Variants in SLC24A2 observed in about 807,000 individuals in gnomAD.
SLC24A2 encodes the protein solute carrier family 24 member 2, also known as sodium/potassium/calcium exchanger 2.
Under a neutral mutation model 62.0 loss-of-function variants are expected in SLC24A2, and 36 were observed. That is an observed-to-expected ratio of 0.58 (90% confidence interval 0.44 to 0.77). SLC24A2 has a LOEUF of 0.77. Among genes scored for constraint, SLC24A2 ranks in the 30% least tolerant of loss-of-function variants. The pLI is 0.00. For missense variants in SLC24A2, 846 were observed against 817.9 expected, an observed-to-expected ratio of 1.03 and a Z score of -0.42; for synonymous variants, 358 against 294.0, an observed-to-expected ratio of 1.22 and a Z score of -2.23.
the SLC24A2 span, among the ~76,000 whole-genome samples, chr9:20,107,837 T>G: frequency 1.6e-4 from 25 of 152,012 alleles, no homozygotes; most frequent in East Asian, 2.9e-3. Flanking sequence ...AAGCCAAAAT[T>G]GACAAATGGG....
At chr9:20,007,872 C>T in the SLC24A2 span, among the ~76,000 whole-genome samples, 68 of 120,556 alleles carry the variant, frequency 5.6e-4, no homozygotes, top group African/African-American at 2.1e-3. Flanking sequence ...ATTCTTCTTA[C>T]TCCTCTCTTT....
the SLC24A2 span, among the ~76,000 whole-genome samples, chr9:19,873,885 C>G: frequency 6.6e-6 from 1 of 152,074 alleles, no homozygotes; most frequent in African/African-American, 2.4e-5. Flanking sequence ...ATCAAAATCC[C>G]AGTTTCTAAA....
chr9:20,056,995 T>TA, the SLC24A2 span, among the ~76,000 whole-genome samples: 1 of 152,254 alleles, frequency 6.6e-6, no homozygotes, highest in Non-Finnish European at 1.5e-5. Flanking sequence ...TCTGTCTCCC[T>TA]AAAGCATTAA....
chr9:20,292,241 G>A, the SLC24A2 span, among the ~76,000 whole-genome samples: 1 of 152,122 alleles, frequency 6.6e-6, no homozygotes, highest in Admixed American at 6.5e-5. Flanking sequence ...TGATACAATG[G>A]GAATAACAGA....
At chr9:19,526,400 T>C (rs1833448982) in intron 9 of SLC24A2, among the ~76,000 whole-genome samples, 1 of 152,218 alleles carries the variant, frequency 6.6e-6, no homozygotes, top group African/African-American at 2.4e-5. Flanking sequence ...GGTAACTCTA[T>C]GTTTAATGTT....
intron 8 of SLC24A2, among the ~76,000 whole-genome samples, chr9:19,531,679 A>T (rs1204793251): frequency 2.6e-5 from 4 of 151,822 alleles, no homozygotes; most frequent in African/African-American, 7.3e-5. Flanking sequence ...TCTGGGACAT[A>T]TATTTAACAA....
the SLC24A2 span, among the ~76,000 whole-genome samples, chr9:20,303,501 A>G: frequency 1.3e-5 from 2 of 152,192 alleles, no homozygotes; most frequent in African/African-American, 4.8e-5. Flanking sequence ...GAAGTAATCT[A>G]GTTCCCACGT....
At chr9:19,733,352 G>A (rs866208613) in intron 2 of SLC24A2, among the ~76,000 whole-genome samples, 6 of 152,250 alleles carry the variant, frequency 3.9e-5, no homozygotes, top group Non-Finnish European at 7.4e-5. Flanking sequence ...CTTCAGCCCA[G>A]AATGCCTCAC....
At chr9:19,704,452 T>A (rs188258621) in intron 2 of SLC24A2, among the ~76,000 whole-genome samples, 23 of 152,316 alleles carry the variant, frequency 1.5e-4, no homozygotes, top group Admixed American at 1.4e-3. Flanking sequence ...CATATTAAAA[T>A]ACCAACAGTG....
chr9:19,735,416 A>T (rs1821477371), intron 2 of SLC24A2, among the ~76,000 whole-genome samples: 1 of 152,044 alleles, frequency 6.6e-6, no homozygotes, highest in African/African-American at 2.4e-5. Context: ...GTGGGACTGT[A>T]AACTAGTTCA....
chr9:19,950,323 T>C, the SLC24A2 span, among the ~76,000 whole-genome samples: 1 of 152,364 alleles, frequency 6.6e-6, no homozygotes, highest in East Asian at 1.9e-4. Flanking sequence ...ACAAAAAAAC[T>C]TCTATCTTGT....
chr9:19,612,491 G>T (rs373527493), intron 4 of SLC24A2, among the ~76,000 whole-genome samples: 1 of 152,020 alleles, frequency 6.6e-6, no homozygotes, highest in South Asian at 2.1e-4. Flanking sequence ...ATATTAGCTC[G>T]CATACTATTA....
the SLC24A2 span, among the ~76,000 whole-genome samples, chr9:20,061,942 G>T: frequency 6.6e-6 from 1 of 152,120 alleles, no homozygotes; most frequent in Non-Finnish European, 1.5e-5. Flanking sequence ...TCTGATAAAA[G>T]CCTTGTATCT....
At chr9:19,560,932 G>C (rs1169827637) in intron 7 of SLC24A2, among the ~76,000 whole-genome samples, 1 of 145,740 alleles carries the variant, frequency 6.9e-6, no homozygotes, top group South Asian at 2.2e-4. Flanking sequence ...GAGAGAGAGA[G>C]AGAGAGAGAG....
chr9:20,069,360 T>G, the SLC24A2 span, among the ~76,000 whole-genome samples: 1 of 152,332 alleles, frequency 6.6e-6, no homozygotes, highest in African/African-American at 2.4e-5. Flanking sequence ...TTCAGTAATC[T>G]TCCCGTGACA....
the SLC24A2 span, among the ~76,000 whole-genome samples, chr9:20,122,743 C>T: frequency 1.3e-5 from 2 of 152,116 alleles, no homozygotes; most frequent in Non-Finnish European, 2.9e-5. Context: ...TTTGACTTAT[C>T]CCCTCTTTTG....
chr9:20,240,071 C>G, the SLC24A2 span, among the ~76,000 whole-genome samples: 1 of 152,022 alleles, frequency 6.6e-6, no homozygotes, highest in South Asian at 2.1e-4. Flanking sequence ...CCTTCTGGCC[C>G]ATGAACTGAT....
In SLC24A2 at chr9:19,510,326, A is replaced by C. The variant is rs933068995; in HGVS notation, c.*5827T>G. ...ATTATTAAGAGGGTTAAAGACTCAAATAAAAATCTAAAGATAATTTTAATT... is the reference window on the plus strand; with the variant it reads ...ATTATTAAGAGGGTTAAAGACTCAACTAAAAATCTAAAGATAATTTTAATT... On this transcript the variant is annotated 3_prime_UTR_variant, in exon 11 of 11. Coordinates refer to ENST00000341998, the MANE Select transcript of SLC24A2 (RefSeq NM_020344.4). 15 of 152,132 alleles carry C rather than the reference A, an allele frequency of 9.9e-5. 1 individual carries two copies. The highest frequency in any genetic ancestry group is 8.5e-4 in the Admixed American group (13 of 15,266). The allele number at this position is 152,132 out of a possible 1,614,324, so 9.4% of individuals were successfully genotyped here.
At chr9:19,965,053 T>C in the SLC24A2 span, among the ~76,000 whole-genome samples, 8 of 151,686 alleles carry the variant, frequency 5.3e-5, no homozygotes, top group Non-Finnish European at 8.8e-5. Context: ...CACGATCGTG[T>C]AGATCGTGTA....
Sources: gnomAD v4.1 joint callset for allele counts (sites outside exome capture counted in the v4.1 genomes callset) on GRCh38, gnomAD v4.1.1 for gene constraint, MANE v1.5 for transcripts, NCBI Gene and HGNC (gene_info 2026-07-23, HGNC 2026-07-21) for gene names.